CC2D2A: variants seen among roughly 807,000 people sequenced by gnomAD.
CC2D2A encodes coiled-coil and C2 domain-containing protein 2A.
A neutral mutation model predicts 212.9 loss-of-function variants in CC2D2A; 155 were observed. The observed-to-expected ratio is 0.73, with a 90% CI of 0.64 to 0.83. The LOEUF (loss-of-function observed/expected upper bound fraction) is 0.83. Among genes scored for constraint, CC2D2A ranks in the 40% least tolerant of loss-of-function variants. CC2D2A has a pLI of 0.00. For synonymous variants in CC2D2A, 667 were observed against 686.5 expected (o/e 0.97, Z 0.44); for missense variants, 1,856 against 1,956.2 (o/e 0.95, Z 0.97).
At chr4:15,584,570 T>C (rs1049433642) in intron 30 of CC2D2A, among the ~76,000 whole-genome samples, 1 of 152,234 alleles carries the variant, frequency 6.6e-6, no homozygotes, top group Non-Finnish European at 1.5e-5. Flanking sequence ...ACAAGGGAAG[T>C]ACTTCATGAA....
At chr4:15,486,537 G>A (rs971893610) in intron 4 of CC2D2A, among the ~76,000 whole-genome samples, 2 of 151,762 alleles carry the variant, frequency 1.3e-5, no homozygotes, top group African/African-American at 4.8e-5. Context: ...TTTTATTTCT[G>A]TGGGTCTTCT....
At chr4:15,599,428 T>C (rs745926077) in intron 35 of CC2D2A, 101 bp from the exon 36 acceptor site, 33 of 719,364 alleles carry the variant, frequency 4.6e-5, no homozygotes, top group Non-Finnish European at 6.8e-5. Flanking sequence ...TCAACAAAAA[T>C]ATAGTTATAC....
At chr4:15,535,374 G>A (rs1271160682) in intron 14 of CC2D2A, among the ~76,000 whole-genome samples, 3 of 151,336 alleles carry the variant, frequency 2.0e-5, no homozygotes, top group South Asian at 4.2e-4. Context: ...TTCTTTTTGA[G>A]TTTATAGGGT....
At chr4:15,484,412 CA>C (rs1239108060) in intron 4 of CC2D2A, among the ~76,000 whole-genome samples, 1 of 152,126 alleles carries the variant, frequency 6.6e-6, no homozygotes, top group Non-Finnish European at 1.5e-5. Context: ...AGATGAGCGT[CA>C]TTGGAGGGTT....
At chr4:15,576,322 T>C (rs1183630846) in intron 29 of CC2D2A, 1 of 951,362 alleles carries the variant, frequency 1.1e-6, no homozygotes, top group Non-Finnish European at 1.3e-6. Flanking sequence ...ATCCTAAAAT[T>C]ATAGGGTCAA....
At chr4:15,552,114 T>G (rs930240296) in intron 18 of CC2D2A, among the ~76,000 whole-genome samples, 2 of 152,226 alleles carry the variant, frequency 1.3e-5, no homozygotes, top group African/African-American at 4.8e-5. Flanking sequence ...CTTGAAAATC[T>G]TCTCCTTTAG....
At position 15,528,557 on chromosome 4, in the gene CC2D2A, C is replaced by T. The variant is rs199676280; in HGVS notation, c.1360-63C>T. 2.7e-4 allele frequency: 371 copies of T among 1,361,844 alleles called. 1 individual carries two copies. Among genetic ancestry groups the T allele is most frequent in the Middle Eastern group, 1.1e-3 (6 of 5,566 alleles). The allele number at this position is 1,361,844 out of a possible 1,614,324, so 84.4% of individuals were successfully genotyped here. A position where few individuals can be genotyped will look rare whatever the true frequency, so the allele number is the denominator to read the frequency against. On this transcript the variant is annotated intron_variant, in intron 12 of 36. Transcript: ENST00000424120. ...TTTTGCCCAGGAGAAGTGGGTGGGT[C>T]CAGTTGCACTGCAGTAGGGAATAGA...
At chr4:15,502,098 TG>T (rs1026044634) in intron 4 of CC2D2A, among the ~76,000 whole-genome samples, 16 of 152,220 alleles carry the variant, frequency 1.1e-4, no homozygotes, top group Non-Finnish European at 2.4e-4. Context: ...GCAATTGAAT[TG>T]GTAAGTATTC....
chr4:15,498,371 A>G (rs1202391456), intron 4 of CC2D2A, among the ~76,000 whole-genome samples: 1 of 152,236 alleles, frequency 6.6e-6, no homozygotes, highest in African/African-American at 2.4e-5. Flanking sequence ...TCTTAAAAAA[A>G]TTATTTTCAT....
intron 11 of CC2D2A, among the ~76,000 whole-genome samples, chr4:15,523,617 C>G (rs896884142): frequency 6.6e-6 from 1 of 152,114 alleles, no homozygotes; most frequent in Admixed American, 6.5e-5. Flanking sequence ...CTTAGTGGCT[C>G]AAAAAACTGG....
At chr4:15,598,425 T>C (rs888602535) in intron 35 of CC2D2A, among the ~76,000 whole-genome samples, 21 of 152,322 alleles carry the variant, frequency 1.4e-4, no homozygotes, top group South Asian at 1.2e-3. Flanking sequence ...TCCTTTGCCT[T>C]AGTCAAATCA....
At chr4:15,474,084 A>G (rs570278137) in intron 1 of CC2D2A, among the ~76,000 whole-genome samples, 1 of 152,322 alleles carries the variant, frequency 6.6e-6, no homozygotes, top group South Asian at 2.1e-4. Flanking sequence ...AGACATAATG[A>G]GATGGCCAGA....
At position 15,563,615 on chromosome 4, in the gene CC2D2A, T is replaced by G. The variant is rs996304228; in HGVS notation, c.3182+93T>G. 4.3e-6 allele frequency: 6 copies of G among 1,383,302 alleles called. No homozygotes were observed. In the African/African-American group the frequency reaches 8.6e-5, roughly 20 times the overall value. The allele number at this position is 1,383,302 out of a possible 1,614,324, so 85.7% of individuals were successfully genotyped here. ...AGCATACTCACTCTCATTCTTAACG[T>G]GGTTATTGTTCAGCAGGGGACTGAG... is the stretch of plus-strand genomic sequence containing the variant. On this transcript the variant is annotated intron_variant, in intron 24 of 36. Transcript: ENST00000424120.
At chr4:15,565,760 C>T (rs1719851979) in intron 24 of CC2D2A, among the ~76,000 whole-genome samples, 3 of 152,118 alleles carry the variant, frequency 2.0e-5, no homozygotes, top group South Asian at 4.2e-4. Flanking sequence ...AGGTACACAC[C>T]ACCAAGCCCA....
chr4:15,581,937 T>C (rs1180761282), intron 30 of CC2D2A, among the ~76,000 whole-genome samples: 2 of 152,052 alleles, frequency 1.3e-5, no homozygotes, highest in East Asian at 3.8e-4. Context: ...AGATCATCAA[T>C]GAAGAAGTAA....
chr4:15,578,538 C>A (rs1221106421), intron 29 of CC2D2A, among the ~76,000 whole-genome samples: 1 of 152,210 alleles, frequency 6.6e-6, no homozygotes, highest in Non-Finnish European at 1.5e-5. Flanking sequence ...TCCCTGAAGT[C>A]AGGAATCTTA....
intron 30 of CC2D2A, among the ~76,000 whole-genome samples, chr4:15,583,233 C>A (rs1016987901): frequency 6.6e-6 from 1 of 152,178 alleles, no homozygotes; most frequent in Non-Finnish European, 1.5e-5. Context: ...TAACATCATA[C>A]TGAACAGTGA....
In CC2D2A at chr4:15,516,679, A is replaced by G; in HGVS notation, c.1072A>G (p.Lys358Glu). ...GATCCTAGCTCTGCCAAACCCCATC[A>G]AGCCATTTCCTTCAAGGCCGCCAGT... ...GRILALPNPI[K>E]PFPSRPPVLT... Residue 358 changes from lysine (K) to glutamate (E), a missense_variant, in exon 11 of 37, where the codon AAG (lysine) becomes GAG (glutamate). By Grantham distance (56) the Lys-to-Glu change is moderately conservative (BLOSUM62 1). Transcript: ENST00000424120. 1 of 1,613,522 alleles carries G rather than the reference A, an allele frequency of 6.2e-7. No individual in the cohort carries two copies. The highest frequency in any genetic ancestry group is 8.5e-7 in the Non-Finnish European group (1 of 1,179,642).
At chr4:15,533,598 A>G (rs185349028) in intron 14 of CC2D2A, 3 of 298,604 alleles carry the variant, frequency 1.0e-5, no homozygotes, top group African/African-American at 2.2e-5. Flanking sequence ...CTAAGAATAT[A>G]TAGTTTAATA....
Sources: allele counts gnomAD v4.1 joint callset (sites outside exome capture counted in the v4.1 genomes callset), GRCh38; gene constraint gnomAD v4.1.1; transcripts MANE v1.5; gene names NCBI Gene and HGNC (gene_info 2026-07-23, HGNC 2026-07-21).